Variants in LIFR observed in about 807,000 individuals in gnomAD.
LIFR encodes LIF receptor subunit alpha.
A neutral mutation model predicts 122.2 loss-of-function variants in LIFR; 84 were observed. The ratio of observed to expected loss-of-function variants is 0.69; its 90% CI spans 0.58 to 0.82. LIFR has a LOEUF of 0.82. Ranked by LOEUF, LIFR falls within the 40% of genes least tolerant of loss-of-function variation. The probability of loss-of-function intolerance (pLI) is 0.00; values close to 1 mark genes in which losing one functional copy is unlikely to be tolerated. For synonymous variants in LIFR, 422 were observed against 434.7 expected, an observed-to-expected ratio of 0.97 and a Z score of 0.36; for missense variants, 1,294 against 1,311.6, an observed-to-expected ratio of 0.99 and a Z score of 0.21.
Position 38,482,152 on chromosome 5 carries a change from T to C in LIFR, c.2737A>G (p.Thr913Ala), listed in dbSNP as rs764878525. The change falls in exon 20 of 20, where the codon ACT (threonine) becomes GCT (alanine). Residue 913 changes from threonine to alanine, a missense_variant. Coordinates refer to ENST00000453190, the MANE Select transcript of LIFR (RefSeq NM_001127671.2). ...CTPNNVEVLE[T>A]RSAFPKIEDT... is the part of the protein sequence containing the mutation. ...TCTATTTTAGGAAATGCTGATCGAG[T>C]TTCCAGAACCTCAACATTATTTGGG... 5.2e-5 allele frequency: 83 copies of C among 1,584,524 alleles called. No homozygotes were observed. The highest frequency in any genetic ancestry group is 6.8e-5 in the Non-Finnish European group (80 of 1,171,270).
At chr5:38,497,261 T>A (rs1207205180) in intron 12 of LIFR, among the ~76,000 whole-genome samples, 1 of 152,074 alleles carries the variant, frequency 6.6e-6, no homozygotes, top group Non-Finnish European at 1.5e-5. Flanking sequence ...CCAGACTGGT[T>A]CAAAGAGCGA....
rs758012108 is a variant in LIFR, at chr5:38,493,739, G to A, written c.1932C>T (p.Leu644=). 1 of 1,613,992 alleles carries A rather than the reference G, an allele frequency of 6.2e-7. No individual in the cohort carries two copies. Among genetic ancestry groups the A allele is most frequent in the African/African-American group, 1.3e-5 (1 of 74,904 alleles). Residue 644 remains leucine, a synonymous_variant, in exon 14 of 20, where the codon CTC becomes CTT. Transcript: ENST00000453190. ...EQVVGMGKGI[L]LTWHYDPNMT... is the part of the protein sequence containing the mutation. ...TGTTGGGGTCGTAATGCCAGGTGAG[G>A]AGAATCCCCTTTCCCATCCCAACAA... is the stretch of plus-strand genomic sequence containing the variant.
At chr5:38,502,600 C>T (rs755070676) in intron 11 of LIFR, 37 bp downstream of exon 11, 8 of 1,527,792 alleles carry the variant, frequency 5.2e-6, no homozygotes, top group Non-Finnish European at 7.3e-6. Flanking sequence ...TCAGAATACA[C>T]AGTAATTATT....
chr5:38,541,835 A>G (rs771853285), intron 1 of LIFR, among the ~76,000 whole-genome samples: 29 of 152,262 alleles, frequency 1.9e-4, no homozygotes, highest in Non-Finnish European at 3.7e-4. Context: ...TGATAACAAT[A>G]ACACACAGAA....
chr5:38,582,045 T>C (rs548061056), intron 1 of LIFR, among the ~76,000 whole-genome samples: 1 of 148,812 alleles, frequency 6.7e-6, no homozygotes, highest in South Asian at 2.2e-4. Flanking sequence ...AAATGACCAC[T>C]TCTTTTTTTT....
intron 2 of LIFR, among the ~76,000 whole-genome samples, chr5:38,601,570 G>A (rs377048918): frequency 1.3e-5 from 2 of 151,154 alleles, no homozygotes; most frequent in Admixed American, 6.6e-5. Flanking sequence ...ATAGGGTCAC[G>A]AACAGTACAT....
chr5:38,602,448 C>T (rs979473218), intron 2 of LIFR, among the ~76,000 whole-genome samples: 2 of 152,140 alleles, frequency 1.3e-5, no homozygotes, highest in Admixed American at 6.5e-5. Flanking sequence ...TGGATTAAGT[C>T]GTTCAAGCCC....
intron 14 of LIFR, among the ~76,000 whole-genome samples, chr5:38,492,121 A>G (rs1053619266): frequency 1.3e-5 from 2 of 152,150 alleles, no homozygotes; most frequent in African/African-American, 4.8e-5. Context: ...AATAAAAGAC[A>G]ATATTCCCAG....
chr5:38,608,340 AAAG>A (rs1388531635), exon 1 of LIFR: 1 of 152,204 alleles, frequency 6.6e-6, no homozygotes, highest in Non-Finnish European at 1.5e-5. Context: ...CTTAAAAAAA[AAAG>A]TACACAAACT....
intron 12 of LIFR, among the ~76,000 whole-genome samples, chr5:38,498,944 C>T (rs1291940064): frequency 6.6e-6 from 1 of 152,100 alleles, no homozygotes; most frequent in South Asian, 2.1e-4. Context: ...ATTATGACTG[C>T]TTGTGTAAAA....
chr5:38,531,440 A>G (rs565970989), intron 1 of LIFR, among the ~76,000 whole-genome samples: 1 of 152,214 alleles, frequency 6.6e-6, no homozygotes, highest in African/African-American at 2.4e-5. Flanking sequence ...AATAAAAAGT[A>G]CTTCCAGAGA....
rs1374791710 is a variant in LIFR, at chr5:38,524,671, G to A, written c.398-1089C>T. On this transcript the variant is annotated intron_variant, in intron 4 of 19. Transcript: ENST00000453190. ...CCTGGCTATGGATGAGTAAGGGTCA[G>A]GGGAAGAAGACACCATGGAGTCAGA... 2.6e-5 allele frequency among the ~76,000 whole-genome samples: 4 copies of A among 152,314 alleles called. No individual in the cohort carries two copies. In the East Asian group the frequency reaches 7.7e-4, roughly 29 times the overall value.
intron 1 of LIFR, among the ~76,000 whole-genome samples, chr5:38,538,093 G>A (rs1238703769): frequency 6.6e-6 from 1 of 152,196 alleles, no homozygotes; most frequent in African/African-American, 2.4e-5. Context: ...TCAGTGTACA[G>A]TTGAGTCAAG....
At position 38,494,638 on chromosome 5, in the gene LIFR, G is replaced by A. The variant is rs367725016; in HGVS notation, c.1886-853C>T. 7.9e-5 allele frequency among the ~76,000 whole-genome samples: 12 copies of A among 152,222 alleles called. No homozygotes were observed. In the South Asian group the frequency reaches 1.7e-3, roughly 21 times the overall value. ...AAAAGGGAGAAGAAAATTTCCCACC[G>A]TAACAGGAGAAAAGAGGTAGATTTT... On this transcript the variant is annotated intron_variant, in intron 13 of 19. Transcript: ENST00000453190.
chr5:38,567,124 A>G (rs1050183422), intron 1 of LIFR, among the ~76,000 whole-genome samples: 1 of 152,178 alleles, frequency 6.6e-6, no homozygotes, highest in Non-Finnish European at 1.5e-5. Context: ...ATTTTTTTAA[A>G]GAACTGTTGT....
chr5:38,545,007 T>C (rs1250276280), intron 1 of LIFR, among the ~76,000 whole-genome samples: 1 of 152,240 alleles, frequency 6.6e-6, no homozygotes, highest in Non-Finnish European at 1.5e-5. Context: ...CAGTGGCTCA[T>C]GCCTATAATC....
rs1022777517 is a variant in LIFR at position 38,528,740 on chromosome 5, A to G, written c.243T>C (p.Val81=). 3.8e-6 allele frequency: 6 copies of G among 1,585,240 alleles called. No homozygotes were observed. The highest frequency in any genetic ancestry group is 5.2e-6 in the Non-Finnish European group (6 of 1,162,300). The stretch of plus-strand genomic sequence containing the variant: ...ATTAAAATTACCTGTTTTCAATGCA[A>G]ACTTCATAATCAGTACCACGGCCTG... ...SGTGRGTDYE[V]CIENRSRSCY... The change falls in exon 3 of 20, where the codon GTT becomes GTC. Residue 81 remains valine, a synonymous_variant. Coordinates refer to ENST00000453190, the MANE Select transcript of LIFR (RefSeq NM_001127671.2).
At chr5:38,506,982 T>C (rs930764477) in intron 7 of LIFR, among the ~76,000 whole-genome samples, 5 of 152,176 alleles carry the variant, frequency 3.3e-5, no homozygotes, top group African/African-American at 1.2e-4. Flanking sequence ...CAGAGAAATC[T>C]ACAGGTTAAA....
At chr5:38,529,772 A>C (rs2112568347) in intron 2 of LIFR, among the ~76,000 whole-genome samples, 1 of 152,322 alleles carries the variant, frequency 6.6e-6, no homozygotes, top group East Asian at 1.9e-4. Context: ...CATGGTTGGT[A>C]CGATATTCAC....
Sources: allele counts gnomAD v4.1 joint callset (sites outside exome capture counted in the v4.1 genomes callset), GRCh38; gene constraint gnomAD v4.1.1; transcripts MANE v1.5; gene names NCBI Gene and HGNC (gene_info 2026-07-23, HGNC 2026-07-21).